LRP1B: variants seen among roughly 807,000 people sequenced by gnomAD.
The protein encoded by LRP1B is LDL receptor related protein 1B.
Under a neutral mutation model 556.6 loss-of-function variants are expected in LRP1B, and 217 were observed. The ratio of observed to expected loss-of-function variants is 0.39; its 90% confidence interval spans 0.35 to 0.44. LRP1B has a LOEUF of 0.44. Ranked by LOEUF, LRP1B falls within the 20% of genes least tolerant of loss-of-function variation. The pLI is 1.00. For synonymous variants in LRP1B, 2,047 were observed against 1,865.8 expected (o/e 1.10, Z -2.50); for missense variants, 5,053 against 5,620.8 (o/e 0.90, Z 3.23).
intron 1 of LRP1B, among the ~76,000 whole-genome samples, chr2:141,888,349 T>C (rs1699186074): frequency 6.6e-6 from 1 of 152,100 alleles, no homozygotes; most frequent in Non-Finnish European, 1.5e-5. Flanking sequence ...AAGAGGAAGG[T>C]AAAAGTTGAT....
intron 43 of LRP1B, among the ~76,000 whole-genome samples, chr2:140,596,139 T>C (rs772718022): frequency 6.6e-6 from 1 of 152,134 alleles, no homozygotes; most frequent in Non-Finnish European, 1.5e-5. Flanking sequence ...TGTCTAAGGC[T>C]TCAGAATATC....
chr2:141,499,845 A>G (rs1298263805), intron 2 of LRP1B, among the ~76,000 whole-genome samples: 1 of 152,100 alleles, frequency 6.6e-6, no homozygotes. Context: ...GCAAATTTGT[A>G]TATCAAATCT....
intron 63 of LRP1B, among the ~76,000 whole-genome samples, chr2:140,449,858 G>T (rs1290508549): frequency 1.3e-5 from 2 of 152,156 alleles, no homozygotes; most frequent in African/African-American, 2.4e-5. Context: ...GAATTATCGT[G>T]ATTGACTACG....
At chr2:140,780,739 A>G (rs1383495086) in intron 32 of LRP1B, among the ~76,000 whole-genome samples, 1 of 152,158 alleles carries the variant, frequency 6.6e-6, no homozygotes, top group Non-Finnish European at 1.5e-5. Context: ...TTAAAACTGA[A>G]CATTTGAACA....
chr2:141,308,896 G>T lies in LRP1B; in HGVS notation c.344-54255C>A, dbSNP rs146000052. ...AAATTTTATTTATTACATAGTATTT[G>T]CAAGAAACTTTCACATCTCATATAA... is the stretch of plus-strand genomic sequence containing the variant. On this transcript the variant is annotated intron_variant, in intron 3 of 90. Coordinates refer to ENST00000389484, the MANE Select transcript of LRP1B (RefSeq NM_018557.3). Among the ~76,000 whole-genome samples the T allele has an allele frequency of 1.6e-3, 242 of 152,076 alleles. 1 individual carries two copies. Among genetic ancestry groups the T allele is most frequent in the African/African-American group, 5.3e-3 (221 of 41,478 alleles).
chr2:140,305,769 G>T (rs1287191622), intron 83 of LRP1B, among the ~76,000 whole-genome samples: 2 of 152,040 alleles, frequency 1.3e-5, no homozygotes, highest in Admixed American at 6.6e-5. Flanking sequence ...TGTCCATTCA[G>T]TATGATATTG....
At chr2:141,955,375 C>T (rs1307882181) in intron 1 of LRP1B, among the ~76,000 whole-genome samples, 1 of 152,054 alleles carries the variant, frequency 6.6e-6, no homozygotes, top group African/African-American at 2.4e-5. Context: ...CTGCATCTTG[C>T]TTGCTTTTCT....
At chr2:140,796,754 G>C (rs546293662) in intron 32 of LRP1B, among the ~76,000 whole-genome samples, 1 of 152,020 alleles carries the variant, frequency 6.6e-6, no homozygotes, top group Non-Finnish European at 1.5e-5. Flanking sequence ...AATCACCTAA[G>C]ATATTTAGCA....
intron 66 of LRP1B, among the ~76,000 whole-genome samples, chr2:140,411,940 CAG>C (rs1252337856): frequency 2.0e-5 from 3 of 152,072 alleles, no homozygotes; most frequent in Non-Finnish European, 4.4e-5. Flanking sequence ...TCTCAGGTAT[CAG>C]AATTTCACAA....
chr2:140,778,569 G>A (rs1689580207), intron 32 of LRP1B, among the ~76,000 whole-genome samples: 1 of 151,976 alleles, frequency 6.6e-6, no homozygotes, highest in Admixed American at 6.6e-5. Flanking sequence ...TTTTTCAAAT[G>A]AACAACACAA....
chr2:140,768,816 C>T (rs1689203152), intron 35 of LRP1B, among the ~76,000 whole-genome samples: 1 of 151,810 alleles, frequency 6.6e-6, no homozygotes, highest in Non-Finnish European at 1.5e-5. Flanking sequence ...GCTTGTATTA[C>T]AATAGAAAAT....
intron 71 of LRP1B, among the ~76,000 whole-genome samples, chr2:140,368,831 G>A (rs1052956273): frequency 6.6e-6 from 1 of 151,776 alleles, no homozygotes; most frequent in Non-Finnish European, 1.5e-5. Flanking sequence ...CTTCCTGGGA[G>A]TAAATTAAAT....
At chr2:141,108,334 C>CTTTTTTTTTTTTTTTTTT (rs60275697) in intron 7 of LRP1B, among the ~76,000 whole-genome samples, 2 of 88,514 alleles carry the variant, frequency 2.3e-5, no homozygotes, top group African/African-American at 9.7e-5. Flanking sequence ...TAATCTGTTT[C>CTTTTTTTTTTTTTTTTTT]TTTTTTTTTT....
intron 3 of LRP1B, among the ~76,000 whole-genome samples, chr2:141,296,462 G>A (rs1342027372): frequency 6.6e-6 from 1 of 152,158 alleles, no homozygotes; most frequent in African/African-American, 2.4e-5. Flanking sequence ...GTCTAACCCA[G>A]GATTTTGCAT....
At chr2:141,968,003 A>G (rs771458102) in intron 1 of LRP1B, among the ~76,000 whole-genome samples, 21 of 151,996 alleles carry the variant, frequency 1.4e-4, no homozygotes, top group Admixed American at 1.1e-3. Context: ...TTACCATCCA[A>G]TTAACAAATA....
chr2:141,395,892 C>T (rs531991765), intron 3 of LRP1B, among the ~76,000 whole-genome samples: 2 of 152,156 alleles, frequency 1.3e-5, no homozygotes, highest in African/African-American at 4.8e-5. Flanking sequence ...GAAAGTCTCC[C>T]CTAAGATTTA....
intron 1 of LRP1B, among the ~76,000 whole-genome samples, chr2:142,105,244 A>T (rs1706705507): frequency 6.6e-6 from 1 of 152,204 alleles, no homozygotes; most frequent in South Asian, 2.1e-4. Flanking sequence ...ACTGAAAACC[A>T]TTAAAGAGTT....
chr2:141,466,538 G>C (rs1309688374), intron 3 of LRP1B, among the ~76,000 whole-genome samples: 3 of 152,274 alleles, frequency 2.0e-5, no homozygotes, highest in African/African-American at 7.2e-5. Flanking sequence ...TTAAAATCCT[G>C]ATCAATGGGA....
rs754303795 is a variant in LRP1B at position 140,598,773 on chromosome 2, C to G, written c.7052G>C (p.Gly2351Ala). The change falls in exon 43 of 91, where the codon GGG (glycine) becomes GCG (alanine). Residue 2351 changes from glycine to alanine, a missense_variant. This residue lies in a region of LRP1B where 3,619 missense variants were observed against 3,931.9 expected (regional missense o/e 0.92). Transcript: ENST00000389484. ...ACTGACCACCACTTGAGCATTTTTC[C>G]CAGTCAGAGTAGATCTCATGATACT... ...HPSIMRSTLT[G>A]KNAQVVVSTD... The G allele has an allele frequency of 6.2e-7, 1 of 1,612,690 alleles. No homozygotes were observed. Among genetic ancestry groups the G allele is most frequent in the South Asian group, 1.1e-5 (1 of 91,046 alleles).
Sources: gnomAD v4.1 joint callset for allele counts (sites outside exome capture counted in the v4.1 genomes callset) on GRCh38, gnomAD v4.1.1 for gene constraint, gnomAD v4.1.1 regional missense constraint, MANE v1.5 for transcripts, NCBI Gene and HGNC (gene_info 2026-07-23, HGNC 2026-07-21) for gene names.